Variants in KLHL29 observed in about 807,000 individuals in gnomAD.
KLHL29 encodes kelch like family member 29, also known as kelch-like protein 29.
KLHL29 carries 21 observed loss-of-function variants against 80.4 expected under a neutral mutation model. The ratio of observed to expected loss-of-function variants is 0.26; its 90% CI spans 0.19 to 0.38. The LOEUF is 0.38. Among genes scored for constraint, KLHL29 ranks in the 10% least tolerant of loss-of-function variants. The pLI is 1.00. For missense variants in KLHL29, 867 were observed against 1,223.9 expected (o/e 0.71, Z 4.35); for synonymous variants, 511 against 526.8 (o/e 0.97, Z 0.41).
chr2:23,385,967 G>C (rs1666166926), intron 1 of KLHL29, among the ~76,000 whole-genome samples, 187 bp downstream of exon 1: 2 of 152,138 alleles, frequency 1.3e-5, no homozygotes, highest in East Asian at 3.9e-4. Flanking sequence ...GGCTGCAGGA[G>C]CCCTTGCGCC....
chr2:23,406,338 AAAAAAG>A lies in KLHL29; in HGVS notation c.-154+20563_-154+20568del, dbSNP rs1666728688. Among the ~76,000 whole-genome samples, 4 of 144,472 alleles carry A rather than the reference AAAAAAG, an allele frequency of 2.8e-5. No individual in the cohort carries two copies. In the South Asian group the frequency reaches 7.0e-4, roughly 25 times the overall value. 94.8% of individuals were successfully genotyped at this position (144,472 alleles called of 152,430 possible). On this transcript the variant is annotated intron_variant, in intron 1 of 13. Transcript: ENST00000486442. ...GCAAGACTCCATCTCAAAAAAAAAA[AAAAAAG>A]AAAAGAAAACACACATATTATCTAG...
chr2:23,488,669 C>A (rs1665001860), intron 2 of KLHL29, among the ~76,000 whole-genome samples: 1 of 152,224 alleles, frequency 6.6e-6, no homozygotes, highest in Non-Finnish European at 1.5e-5. Context: ...ATTAAGACAT[C>A]ATGAATCAAA....
chr2:23,480,134 C>T (rs750928725), intron 2 of KLHL29, among the ~76,000 whole-genome samples: 13 of 152,190 alleles, frequency 8.5e-5, no homozygotes, highest in Admixed American at 6.5e-4. Context: ...AAGGGAGGAA[C>T]GGTGCCACCA....
intron 1 of KLHL29, among the ~76,000 whole-genome samples, chr2:23,427,125 A>G (rs960976317): frequency 6.6e-6 from 1 of 152,134 alleles, no homozygotes; most frequent in Non-Finnish European, 1.5e-5. Flanking sequence ...ACAGTACCTA[A>G]CAGGAGCTCA....
chr2:23,527,004 C>G (rs976311521), intron 2 of KLHL29, among the ~76,000 whole-genome samples: 2 of 152,142 alleles, frequency 1.3e-5, no homozygotes, highest in Admixed American at 1.3e-4. Context: ...CCACACGGGG[C>G]TGGTATCCTG....
rs1014792217 is a variant in KLHL29 at position 23,496,889 on chromosome 2, A to G, written c.-46+21222A>G. Among the ~76,000 whole-genome samples the G allele has an allele frequency of 2.6e-5, 4 of 152,224 alleles. No homozygotes were observed. The East Asian group carries it at 7.7e-4, about 29-fold the overall frequency. ...CTAAAAACAAATCAGGGAGTGTGGC[A>G]TATGGGACATTTGCCCTCCAAACAC... On this transcript the variant is annotated intron_variant, in intron 2 of 13. Coordinates refer to ENST00000486442, the MANE Select transcript of KLHL29 (RefSeq NM_052920.2).
At chr2:23,516,666 C>T (rs1665941476) in intron 2 of KLHL29, among the ~76,000 whole-genome samples, 1 of 152,200 alleles carries the variant, frequency 6.6e-6, no homozygotes, top group Non-Finnish European at 1.5e-5. Context: ...GACTTCTTGG[C>T]AGACTTCTTG....
chr2:23,633,756 C>CTGTGTGTGTGTGTGTGT lies in KLHL29; in HGVS notation c.286-5383_286-5382insTGTGTGTGTGTGTGTGT, dbSNP rs35002083. 2.8e-3 allele frequency among the ~76,000 whole-genome samples: 414 copies of CTGTGTGTGTGTGTGTGT among 147,226 alleles called. 4 individuals are homozygous for CTGTGTGTGTGTGTGTGT. The highest frequency in any genetic ancestry group is 6.8e-3 in the Middle Eastern group (2 of 294). On this transcript the variant is annotated intron_variant, in intron 3 of 13. Transcript: ENST00000486442. ...TCTCTGTCAAAAGAGTCACAGCACT[C>CTGTGTGTGTGTGTGTGT]GTGTGTGTGTGTGTGTGTGTGTGTG... is the stretch of plus-strand genomic sequence containing the variant.
rs137932801 is a variant in KLHL29, at chr2:23,518,142, G to A, written c.-46+42475G>A. Among the ~76,000 whole-genome samples, 3 of 152,252 alleles carry A rather than the reference G, an allele frequency of 2.0e-5. No homozygotes were observed. The East Asian group carries it at 5.8e-4, about 29-fold the overall frequency. Reference sequence around the variant, plus strand: ...TGTTCTGGGAAAGCAGACAAGTCCGGTGGGCTGGGGGCCAACTTCCTCAGC... The same window carrying A: ...TGTTCTGGGAAAGCAGACAAGTCCGATGGGCTGGGGGCCAACTTCCTCAGC... On this transcript the variant is annotated intron_variant, in intron 2 of 13. Coordinates refer to ENST00000486442, the MANE Select transcript of KLHL29 (RefSeq NM_052920.2).
intron 1 of KLHL29, among the ~76,000 whole-genome samples, chr2:23,388,370 A>T (rs1666236635): frequency 6.6e-6 from 1 of 152,196 alleles, no homozygotes; most frequent in African/African-American, 2.4e-5. Context: ...TCACTTTAAG[A>T]CCGGAAAATG....
intron 1 of KLHL29, among the ~76,000 whole-genome samples, chr2:23,431,430 T>G (rs1572507032): frequency 6.6e-6 from 1 of 152,192 alleles, no homozygotes; most frequent in East Asian, 1.9e-4. Flanking sequence ...GGGGAAAGAA[T>G]AATTATTCCC....
intron 6 of KLHL29, among the ~76,000 whole-genome samples, chr2:23,686,852 C>G (rs1301772915): frequency 6.6e-6 from 1 of 152,164 alleles, no homozygotes; most frequent in East Asian, 1.9e-4. Flanking sequence ...AAGCCAAAGC[C>G]AAGCCCAGGG....
chr2:23,435,857 T>C (rs1015285543), intron 1 of KLHL29, among the ~76,000 whole-genome samples: 6 of 152,096 alleles, frequency 3.9e-5, no homozygotes, highest in African/African-American at 1.4e-4. Context: ...CAGGCTGTTG[T>C]GCTTAGCTAG....
intron 3 of KLHL29, among the ~76,000 whole-genome samples, chr2:23,595,537 G>A (rs536301141): frequency 1.9e-4 from 29 of 152,362 alleles, no homozygotes; most frequent in African/African-American, 7.0e-4. Context: ...ACTGGCAGAG[G>A]TACAGTCAGC....
chr2:23,585,132 G>A (rs151008009), intron 3 of KLHL29, among the ~76,000 whole-genome samples: 9 of 152,352 alleles, frequency 5.9e-5, no homozygotes, highest in East Asian at 1.9e-4. Context: ...GTACACACCC[G>A]AGTGGGCTGA....
At chr2:23,439,139 G>T (rs1197915414) in intron 1 of KLHL29, among the ~76,000 whole-genome samples, 2 of 150,630 alleles carry the variant, frequency 1.3e-5, no homozygotes, top group African/African-American at 4.9e-5. Flanking sequence ...TTGTATTTCT[G>T]TGGGATTGGT....
chr2:23,577,782 G>A (rs948538403), intron 3 of KLHL29, among the ~76,000 whole-genome samples: 1 of 152,026 alleles, frequency 6.6e-6, no homozygotes, highest in African/African-American at 2.4e-5. Flanking sequence ...GATCAGTAGG[G>A]CTTCCTGGCC....
intron 1 of KLHL29, among the ~76,000 whole-genome samples, chr2:23,462,527 CAG>C (rs1372152092): frequency 6.6e-6 from 1 of 152,188 alleles, no homozygotes; most frequent in Non-Finnish European, 1.5e-5. Context: ...CGTGGTAGGA[CAG>C]AGAATTCTCT....
chr2:23,643,002 A>T, intron 5 of KLHL29, 152 bp downstream of exon 5: 2 of 917,648 alleles, frequency 2.2e-6, no homozygotes, highest in Non-Finnish European at 3.5e-6. Flanking sequence ...CACCTGCCCA[A>T]GACAACTGGC....
Sources: allele counts gnomAD v4.1 joint callset (sites outside exome capture counted in the v4.1 genomes callset), GRCh38; gene constraint gnomAD v4.1.1; transcripts MANE v1.5; gene names NCBI Gene and HGNC (gene_info 2026-07-23, HGNC 2026-07-21).